USH2A: variants seen among roughly 807,000 people sequenced by gnomAD.
USH2A encodes the protein usherin.
USH2A carries 443 observed loss-of-function variants against 538.9 expected under a neutral mutation model. The observed-to-expected ratio is 0.82, with a 90% confidence interval of 0.76 to 0.89. The LOEUF is 0.89. Ranked by LOEUF, USH2A falls within the 40% of genes least tolerant of loss-of-function variation. The probability of loss-of-function intolerance (pLI) is 0.00; values close to 1 mark genes in which losing one functional copy is unlikely to be tolerated. For synonymous variants in USH2A, 2,413 were observed against 2,273.5 expected (o/e 1.06, Z -1.75); for missense variants, 6,633 against 6,324.8 (o/e 1.05, Z -1.65).
chr1:215,914,747 G>A (rs1665909529), intron 38 of USH2A, among the ~76,000 whole-genome samples: 1 of 152,132 alleles, frequency 6.6e-6, no homozygotes, highest in Non-Finnish European at 1.5e-5. Flanking sequence ...TTCCATCAGG[G>A]AATGCACGCC....
At chr1:216,050,560 T>TTTTCTTTTTCTTTCTTTCTTTC in intron 30 of USH2A, among the ~76,000 whole-genome samples, 1 of 35,704 alleles carries the variant, frequency 2.8e-5, no homozygotes, top group South Asian at 1.2e-3. Flanking sequence ...ATTTGTATCT[T>TTTTCTTTTTCTTTCTTTCTTTC]TTTCTTTCTT....
At chr1:215,699,699 T>C (rs775738346) in intron 61 of USH2A, among the ~76,000 whole-genome samples, 1 of 152,132 alleles carries the variant, frequency 6.6e-6, no homozygotes, top group Non-Finnish European at 1.5e-5. Context: ...GCTTAAGGCA[T>C]TTTTGGGCTA....
At position 216,352,263 on chromosome 1, in the gene USH2A, A is replaced by C. The variant is rs554636832; in HGVS notation, c.784+12690T>G. Among the ~76,000 whole-genome samples the C allele has an allele frequency of 2.0e-5, 3 of 152,226 alleles. No individual in the cohort carries two copies. The South Asian group carries it at 6.2e-4, about 32-fold the overall frequency. On this transcript the variant is annotated intron_variant, in intron 4 of 71. Coordinates refer to ENST00000307340, the MANE Select transcript of USH2A (RefSeq NM_206933.4). ...TTGGGGTACCAATACTAAGAGGTCA[A>C]GTAGATGAAGAGGAACCAGTAAATC... is the stretch of plus-strand genomic sequence containing the variant.
chr1:216,222,562 T>C (rs1219180853), intron 14 of USH2A, among the ~76,000 whole-genome samples: 1 of 152,156 alleles, frequency 6.6e-6, no homozygotes, highest in Non-Finnish European at 1.5e-5. Context: ...CCCAATGTAA[T>C]CTACGGTCCT....
intron 56 of USH2A, among the ~76,000 whole-genome samples, chr1:215,765,342 T>C: frequency 6.6e-6 from 1 of 152,170 alleles, no homozygotes; most frequent in African/African-American, 2.4e-5. Flanking sequence ...CATTAGTGAA[T>C]TCCTGGTGAG....
At chr1:215,916,044 G>T (rs1665944304) in intron 38 of USH2A, among the ~76,000 whole-genome samples, 1 of 116,828 alleles carries the variant, frequency 8.6e-6, no homozygotes. Context: ...TTGTGGGGTG[G>T]GGGGAGGGGG....
chr1:216,354,764 A>T (rs1431500744), intron 4 of USH2A, among the ~76,000 whole-genome samples: 1 of 152,110 alleles, frequency 6.6e-6, no homozygotes, highest in Non-Finnish European at 1.5e-5. Flanking sequence ...GACAATATCT[A>T]GTGCTCTAAC....
intron 11 of USH2A, among the ~76,000 whole-genome samples, chr1:216,263,673 GA>G (rs1434003353): frequency 6.6e-6 from 1 of 152,050 alleles, no homozygotes; most frequent in Non-Finnish European, 1.5e-5. Context: ...ATTAAACGGA[GA>G]AAAGGTGAAA....
intron 20 of USH2A, among the ~76,000 whole-genome samples, chr1:216,182,430 C>T (rs1353419844): frequency 1.3e-5 from 2 of 151,966 alleles, no homozygotes; most frequent in Admixed American, 1.3e-4. Context: ...GCCAGTAGAG[C>T]CCCTGATAAA....
At chr1:216,379,781 A>G (rs1419038924) in intron 3 of USH2A, among the ~76,000 whole-genome samples, 2 of 152,220 alleles carry the variant, frequency 1.3e-5, no homozygotes, top group African/African-American at 4.8e-5. Flanking sequence ...ACAATTGAAA[A>G]GCTTGAGTAT....
At chr1:215,739,421 G>A in intron 60 of USH2A, among the ~76,000 whole-genome samples, 1 of 152,196 alleles carries the variant, frequency 6.6e-6, no homozygotes, top group East Asian at 1.9e-4. Context: ...AATAGGCACT[G>A]TAATCACGAG....
intron 61 of USH2A, among the ~76,000 whole-genome samples, chr1:215,693,265 G>A (rs2102683320): frequency 1.3e-5 from 2 of 152,016 alleles, no homozygotes; most frequent in African/African-American, 4.8e-5. Flanking sequence ...ACAGGTATGA[G>A]CCACTGCACC....
At chr1:216,366,901 T>C (rs1481008000) in intron 3 of USH2A, among the ~76,000 whole-genome samples, 3 of 152,154 alleles carry the variant, frequency 2.0e-5, no homozygotes, top group African/African-American at 7.2e-5. Flanking sequence ...TTACTGTCAT[T>C]TGGTGTTTGA....
At chr1:216,045,414 C>T (rs377046276) in intron 32 of USH2A, among the ~76,000 whole-genome samples, 9 of 152,126 alleles carry the variant, frequency 5.9e-5, no homozygotes, top group Non-Finnish European at 1.2e-4. Flanking sequence ...ATGATATGGG[C>T]AGATATACTA....
intron 37 of USH2A, among the ~76,000 whole-genome samples, chr1:215,945,435 T>C (rs1006419442): frequency 6.6e-6 from 1 of 152,160 alleles, no homozygotes; most frequent in African/African-American, 2.4e-5. Flanking sequence ...ATAAATAATA[T>C]CTTTGTCATG....
At chr1:215,773,538 TTCTCTCTC>T (rs1332501473) in intron 55 of USH2A, among the ~76,000 whole-genome samples, 5 of 142,670 alleles carry the variant, frequency 3.5e-5, no homozygotes, top group African/African-American at 1.1e-4. Flanking sequence ...CTCTCTGTCT[TTCTCTCTC>T]TCTCTCACAA....
intron 41 of USH2A, among the ~76,000 whole-genome samples, chr1:215,882,169 G>T (rs1199852965): frequency 6.6e-6 from 1 of 152,198 alleles, no homozygotes; most frequent in African/African-American, 2.4e-5. Flanking sequence ...TCAAAGCGGT[G>T]TGGCTTTAGG....
chr1:216,393,901 T>G (rs2039156917), intron 3 of USH2A, among the ~76,000 whole-genome samples: 1 of 152,180 alleles, frequency 6.6e-6, no homozygotes, highest in Non-Finnish European at 1.5e-5. Context: ...AGACATCTGT[T>G]TGACAGAGGA....
intron 61 of USH2A, among the ~76,000 whole-genome samples, chr1:215,713,171 C>A (rs1659387462): frequency 6.6e-6 from 1 of 152,218 alleles, no homozygotes; most frequent in Non-Finnish European, 1.5e-5. Context: ...CCTGTCAACA[C>A]ACTATGACAC....
Sources: allele counts gnomAD v4.1 joint callset (sites outside exome capture counted in the v4.1 genomes callset), GRCh38; gene constraint gnomAD v4.1.1; transcripts MANE v1.5; gene names NCBI Gene and HGNC (gene_info 2026-07-23, HGNC 2026-07-21).